TMEM268: variants seen among roughly 807,000 people sequenced by gnomAD.
TMEM268 encodes the protein transmembrane protein 268.
A neutral mutation model predicts 39.1 loss-of-function variants in TMEM268; 24 were observed. That is an observed-to-expected ratio of 0.61 (90% CI 0.44 to 0.86). The LOEUF is 0.86. Among genes scored for constraint, TMEM268 ranks in the 40% least tolerant of loss-of-function variants. TMEM268 has a pLI of 0.00. For synonymous variants in TMEM268, 176 were observed against 173.5 expected, an observed-to-expected ratio of 1.01 and a Z score of -0.12; for missense variants, 409 against 428.6, an observed-to-expected ratio of 0.95 and a Z score of 0.40.
intron 6 of TMEM268, among the ~76,000 whole-genome samples, chr9:114,636,363 G>A (rs59962384): frequency 0.21 from 31,965 of 151,994 alleles, 3,616 homozygotes; most frequent in African/African-American, 0.29. Context: ...TTCACGCCCC[G>A]CCCATTGAGG....
At chr9:114,625,820 C>A (rs372486671) in intron 3 of TMEM268, among the ~76,000 whole-genome samples, 2 of 151,266 alleles carry the variant, frequency 1.3e-5, no homozygotes, top group East Asian at 2.0e-4. Context: ...CAATTCAATT[C>A]AATTAATTAA....
At chr9:114,635,138 C>T (rs934848316) in intron 6 of TMEM268, among the ~76,000 whole-genome samples, 4 of 151,722 alleles carry the variant, frequency 2.6e-5, no homozygotes, top group Admixed American at 1.3e-4. Flanking sequence ...CTCAGGAGTT[C>T]GAAACCAGCC....
In TMEM268 at chr9:114,620,249, TA is replaced by T. The variant is rs1845894604; in HGVS notation, c.106+2949del. On this transcript the variant is annotated intron_variant, in intron 2 of 8. Coordinates refer to ENST00000288502, the MANE Select transcript of TMEM268 (RefSeq NM_153045.4). ...AATTATTTTTATAGTTTTAGTTACT[TA>T]CTTATTTTTTTTGAGACAGGATCTC... 3.3e-5 allele frequency among the ~76,000 whole-genome samples: 5 copies of T among 152,042 alleles called. No homozygotes were observed. In the South Asian group the frequency reaches 1.0e-3, roughly 32 times the overall value.
At chr9:114,617,352 T>G (rs775050812) in intron 2 of TMEM268, 51 bp downstream of exon 2, 1 of 1,398,688 alleles carries the variant, frequency 7.1e-7, no homozygotes, top group Admixed American at 1.9e-5. Context: ...CATGCTGAAC[T>G]GGACTCACAG....
chr9:114,630,865 C>T (rs1471156378), intron 5 of TMEM268, among the ~76,000 whole-genome samples: 1 of 152,150 alleles, frequency 6.6e-6, no homozygotes. Context: ...TCCCTGGATC[C>T]CTTGTCACTC....
At chr9:114,627,432 G>A (rs1037826596) in intron 4 of TMEM268, among the ~76,000 whole-genome samples, 1 of 152,052 alleles carries the variant, frequency 6.6e-6, no homozygotes, top group Non-Finnish European at 1.5e-5. Flanking sequence ...TAAAATATAT[G>A]TATACATCTT....
chr9:114,642,070 A>G (rs1827371333), intron 8 of TMEM268, among the ~76,000 whole-genome samples: 1 of 152,226 alleles, frequency 6.6e-6, no homozygotes, highest in Non-Finnish European at 1.5e-5. Flanking sequence ...TTTTAAGTAT[A>G]TAGTTCAGCA....
intron 5 of TMEM268, among the ~76,000 whole-genome samples, chr9:114,632,827 G>C (rs1213867980): frequency 3.9e-5 from 6 of 152,172 alleles, no homozygotes; most frequent in African/African-American, 1.4e-4. Flanking sequence ...TCCATTCCTA[G>C]GAGGCAGACA....
intron 7 of TMEM268, 150 bp downstream of exon 7, chr9:114,637,220 G>T: frequency 1.8e-6 from 1 of 555,658 alleles, no homozygotes; most frequent in South Asian, 2.5e-5. Context: ...AGGGAATTAT[G>T]GCTGCTTTTC....
chr9:114,638,331 C>A (rs1230521202), intron 7 of TMEM268, among the ~76,000 whole-genome samples: 1 of 152,222 alleles, frequency 6.6e-6, no homozygotes, highest in African/African-American at 2.4e-5. Context: ...CATGAGCCAC[C>A]ATGCCTGGTT....
chr9:114,617,687 C>T (rs1012892713), intron 2 of TMEM268, among the ~76,000 whole-genome samples: 1 of 152,166 alleles, frequency 6.6e-6, no homozygotes. Flanking sequence ...CCTCCCACCT[C>T]AGCCCCCTGA....
chr9:114,605,344 TG>T, the TMEM268 span, among the ~76,000 whole-genome samples: 5 of 151,694 alleles, frequency 3.3e-5, no homozygotes, highest in South Asian at 2.1e-4. Flanking sequence ...CTTTTTTTTC[TG>T]GTTTTTTTTT....
intron 6 of TMEM268, among the ~76,000 whole-genome samples, chr9:114,635,694 G>C (rs1846605359): frequency 6.6e-6 from 1 of 152,112 alleles, no homozygotes; most frequent in African/African-American, 2.4e-5. Flanking sequence ...AAAAAGAATG[G>C]ACACATCTTT....
chr9:114,619,347 T>G (rs1457054842), intron 2 of TMEM268, among the ~76,000 whole-genome samples: 1 of 152,136 alleles, frequency 6.6e-6, no homozygotes, highest in African/African-American at 2.4e-5. Context: ...CTTTGGTAGC[T>G]TTACTTAGCC....
At chr9:114,617,689 G>T (rs780072893) in intron 2 of TMEM268, among the ~76,000 whole-genome samples, 23 of 152,058 alleles carry the variant, frequency 1.5e-4, no homozygotes, top group South Asian at 1.0e-3. Flanking sequence ...TCCCACCTCA[G>T]CCCCCTGAAC....
rs776786957 is a variant in TMEM268 at position 114,643,123 on chromosome 9, G to T, written c.850-11G>T. 1 of 1,613,964 alleles carries T rather than the reference G, an allele frequency of 6.2e-7. No individual in the cohort carries two copies. Among genetic ancestry groups the T allele is most frequent in the South Asian group, 1.1e-5 (1 of 91,070 alleles). ...CCTGTGGTATTCAATCTGCTTCCCT[G>T]CCTCTTCTAGGAAATGGCCCGCCAG... On this transcript the variant is annotated splice_polypyrimidine_tract_variant and intron_variant, in intron 8 of 8. Transcript: ENST00000288502.
chr9:114,637,557 G>T (rs1029542583), intron 7 of TMEM268, among the ~76,000 whole-genome samples: 1 of 152,108 alleles, frequency 6.6e-6, no homozygotes, highest in African/African-American at 2.4e-5. Context: ...GCCTCCCAAA[G>T]TGCTGGGATT....
At chr9:114,631,690 A>C (rs1846405166) in intron 5 of TMEM268, among the ~76,000 whole-genome samples, 2 of 152,218 alleles carry the variant, frequency 1.3e-5, no homozygotes, top group African/African-American at 2.4e-5. Context: ...ATCAAATCCA[A>C]ATCCACATCC....
chr9:114,621,113 G>A (rs1265335276), intron 2 of TMEM268, among the ~76,000 whole-genome samples: 1 of 152,002 alleles, frequency 6.6e-6, no homozygotes, highest in African/African-American at 2.4e-5. Flanking sequence ...TGACATGGAA[G>A]CATTCCTTGA....
Sources: gnomAD v4.1 joint callset for allele counts (sites outside exome capture counted in the v4.1 genomes callset) on GRCh38, gnomAD v4.1.1 for gene constraint, MANE v1.5 for transcripts, NCBI Gene and HGNC (gene_info 2026-07-23, HGNC 2026-07-21) for gene names.